DYNC1I2: variants seen among roughly 807,000 people sequenced by gnomAD.
DYNC1I2 encodes the protein dynein cytoplasmic 1 intermediate chain 2, also known as cytoplasmic dynein 1 intermediate chain 2.
In DYNC1I2, 53 loss-of-function variants were observed where a neutral mutation model predicts 88.6. The observed-to-expected ratio is 0.60, with a 90% CI of 0.48 to 0.75. The LOEUF is 0.75. Ranked by LOEUF, DYNC1I2 falls within the 30% of genes least tolerant of loss-of-function variation. DYNC1I2 has a pLI of 0.00. For synonymous variants in DYNC1I2, 198 were observed against 254.6 expected, an observed-to-expected ratio of 0.78 and a Z score of 2.12; for missense variants, 458 against 766.6, an observed-to-expected ratio of 0.60 and a Z score of 4.75.
Position 171,690,320 on chromosome 2 carries a change from CAT to C in DYNC1I2, c.108+60_108+61del. The C allele has an allele frequency of 6.3e-6, 8 of 1,269,260 alleles. 1 individual carries two copies. In the South Asian group the frequency reaches 8.5e-5, roughly 13 times the overall value. 78.6% of individuals were successfully genotyped at this position (1,269,260 alleles called of 1,614,324 possible). On this transcript the variant is annotated intron_variant, in intron 2 of 17. Coordinates refer to ENST00000397119, the MANE Select transcript of DYNC1I2 (RefSeq NM_001378.3). ...CATAAAGTAATTGGGTTTTATTTCA[CAT>C]ATTTATATATTTACATATAGGTTGG...
chr2:171,710,154 CACACACACACAG>C (rs1687010274), intron 5 of DYNC1I2, among the ~76,000 whole-genome samples: 1 of 149,330 alleles, frequency 6.7e-6, no homozygotes, highest in Admixed American at 6.6e-5. Flanking sequence ...CACACACACA[CACACACACACAG>C]AGTAATAGAA....
chr2:171,732,337 G>A lies in DYNC1I2; in HGVS notation c.1536+2484G>A, dbSNP rs115385781. ...ATTGTGCCATTGCACTACAGCCTGG[G>A]TGACGAGCAAAACTCCACCTGAAAA... On this transcript the variant is annotated intron_variant, in intron 15 of 17. Coordinates refer to ENST00000397119, the MANE Select transcript of DYNC1I2 (RefSeq NM_001378.3). 5.8e-3 allele frequency among the ~76,000 whole-genome samples: 883 copies of A among 152,304 alleles called. 8 individuals are homozygous for A. Among genetic ancestry groups the A allele is most frequent in the African/African-American group, 0.02 (835 of 41,554 alleles).
chr2:171,727,056 A>G (rs749038227), intron 11 of DYNC1I2, 140 bp downstream of exon 11: 19 of 930,784 alleles, frequency 2.0e-5, no homozygotes, highest in Non-Finnish European at 2.9e-5. Flanking sequence ...ATTTGCAAAC[A>G]GATGTTAACA....
chr2:171,691,785 A>G (rs556541846), intron 2 of DYNC1I2, among the ~76,000 whole-genome samples: 57 of 152,312 alleles, frequency 3.7e-4, no homozygotes, highest in African/African-American at 1.3e-3. Flanking sequence ...AGGGATATCT[A>G]TTGCATGATT....
intron 1 of DYNC1I2, among the ~76,000 whole-genome samples, chr2:171,689,335 T>C (rs1252290144): frequency 6.6e-6 from 1 of 152,242 alleles, no homozygotes; most frequent in African/African-American, 2.4e-5. Flanking sequence ...TAGCTAATGA[T>C]GGTAACTCCT....
At chr2:171,717,854 A>G (rs1413127508) in intron 7 of DYNC1I2, among the ~76,000 whole-genome samples, 1 of 152,110 alleles carries the variant, frequency 6.6e-6, no homozygotes, top group African/African-American at 2.4e-5. Context: ...TACCATACTT[A>G]CTGGTACAAT....
chr2:171,689,882 CTTTTTTTTTTTTTT>C (rs10716223), intron 1 of DYNC1I2, among the ~76,000 whole-genome samples: 1 of 54,156 alleles, frequency 1.8e-5, no homozygotes, highest in East Asian at 5.3e-4. Context: ...TTTTTCTTGC[CTTTTTTTTTTTTTT>C]TTTTTTTTTT....
rs1014384852 is a variant in DYNC1I2 at position 171,727,946 on chromosome 2, A to C, written c.1122A>C (p.Pro374=). The C allele has an allele frequency of 1.2e-6, 2 of 1,613,210 alleles. No homozygotes were observed. The highest frequency in any genetic ancestry group is 1.7e-6 in the Non-Finnish European group (2 of 1,179,382). The change falls in exon 12 of 18, where the codon CCA becomes CCC. Residue 374 remains proline (P), a synonymous_variant. Coordinates refer to ENST00000397119, the MANE Select transcript of DYNC1I2 (RefSeq NM_001378.3). ...AAAGAACTCCAGTGCAAAGAACTCCACTGTCAGCAGCTGCACACACAGTAA... is the reference window on the plus strand; with the variant it reads ...AAAGAACTCCAGTGCAAAGAACTCCCCTGTCAGCAGCTGCACACACAGTAA... ...SNKRTPVQRT[P]LSAAAHTHPV... is the part of the protein sequence containing the mutation.
Position 171,728,363 on chromosome 2 carries a change from T to G in DYNC1I2, c.1202T>G (p.Ile401Ser), listed in dbSNP as rs1262397910. The G allele has an allele frequency of 6.2e-7, 1 of 1,608,608 alleles. No individual in the cohort carries two copies. Among genetic ancestry groups the G allele is most frequent in the Admixed American group, 1.7e-5 (1 of 58,928 alleles). The change falls in exon 13 of 18, where the codon ATC becomes AGC. Residue 401 changes from isoleucine (I) to serine (S), a missense_variant. Transcript: ENST00000397119. ...CAAAATGCTCACAATCTGATTAGCA[T>G]CTCTACTGATGGAAAAATTTGTTCA... ...GTQNAHNLIS[I>S]STDGKICSWS...
rs998354909 is a variant in DYNC1I2, at chr2:171,749,994, T to C, written c.*2105T>C. The stretch of plus-strand genomic sequence containing the variant: ...AGAAATTGTACCTTATCAGTTATAC[T>C]TTTTTTCTGAGTAAGAAAACAAGCT... On this transcript the variant is annotated 3_prime_UTR_variant, in exon 18 of 18. Transcript: ENST00000397119. Among the ~76,000 whole-genome samples the C allele has an allele frequency of 6.6e-6, 1 of 152,172 alleles. No individual in the cohort carries two copies. The highest frequency in any genetic ancestry group is 2.4e-5 in the African/African-American group (1 of 41,448).
Position 171,727,009 on chromosome 2 carries a change from G to A in DYNC1I2, c.996+93G>A, listed in dbSNP as rs904349046. The A allele has an allele frequency of 2.2e-5, 29 of 1,328,190 alleles. No homozygotes were observed. In the African/African-American group the frequency reaches 4.2e-4, roughly 19 times the overall value. The allele number at this position is 1,328,190 out of a possible 1,614,324, so 82.3% of individuals were successfully genotyped here. A position where few individuals can be genotyped will look rare whatever the true frequency, so the allele number is the denominator to read the frequency against. On this transcript the variant is annotated intron_variant, in intron 11 of 17. Transcript: ENST00000397119. ...TTTTTTCTTTTCTTGTCAACATAATGATTTCATTGGATTGGCATTTTACTA... is the reference window on the plus strand; with the variant it reads ...TTTTTTCTTTTCTTGTCAACATAATAATTTCATTGGATTGGCATTTTACTA...
intron 17 of DYNC1I2, among the ~76,000 whole-genome samples, chr2:171,747,315 C>T (rs1689865148): frequency 6.6e-6 from 1 of 150,532 alleles, no homozygotes; most frequent in South Asian, 2.1e-4. Flanking sequence ...AGTAGCACAG[C>T]TTTTGATGAA....
intron 3 of DYNC1I2, among the ~76,000 whole-genome samples, chr2:171,704,756 A>C (rs1001569997): frequency 6.6e-6 from 1 of 152,112 alleles, no homozygotes; most frequent in Non-Finnish European, 1.5e-5. Context: ...GGTTTATTGA[A>C]GTCTGGGAAT....
rs1689906443 is a variant in DYNC1I2 at position 171,747,817 on chromosome 2, C to A, written c.1845C>A (p.Gly615=). ...VPRNDEWARF[G]RTLAEINANR... ...GCAATGATGAATGGGCACGGTTTGG[C>A]CGAACACTTGCAGAAATTAATGCAA... The change falls in exon 18 of 18, where the codon GGC becomes GGA. Residue 615 remains glycine (G), a synonymous_variant. Coordinates refer to ENST00000397119, the MANE Select transcript of DYNC1I2 (RefSeq NM_001378.3). The A allele has an allele frequency of 6.2e-7, 1 of 1,610,974 alleles. No homozygotes were observed. The highest frequency in any genetic ancestry group is 8.5e-7 in the Non-Finnish European group (1 of 1,179,324).
chr2:171,729,632 A>G lies in DYNC1I2; in HGVS notation c.1392-77A>G. On this transcript the variant is annotated intron_variant, in intron 14 of 17. Coordinates refer to ENST00000397119, the MANE Select transcript of DYNC1I2 (RefSeq NM_001378.3). Reference sequence around the variant, plus strand: ...AAAATGAAGTCAAGGCCTGATATATAAACCTATAATAAAATGTGTATGTAA... The same window carrying G: ...AAAATGAAGTCAAGGCCTGATATATGAACCTATAATAAAATGTGTATGTAA... The G allele has an allele frequency of 2.7e-6, 4 of 1,497,206 alleles. No homozygotes were observed. The South Asian group carries it at 3.6e-5, about 13-fold the overall frequency. The allele number at this position is 1,497,206 out of a possible 1,614,324, so 92.7% of individuals were successfully genotyped here.
intron 7 of DYNC1I2, among the ~76,000 whole-genome samples, chr2:171,721,585 C>G (rs1337696849): frequency 3.9e-5 from 6 of 152,124 alleles, no homozygotes; most frequent in African/African-American, 1.2e-4. Context: ...GCATTTTCCT[C>G]TAATATTTTC....
Position 171,687,513 on chromosome 2 carries a change from T to C in DYNC1I2, c.-124T>C, listed in dbSNP as rs1227998483. On this transcript the variant is annotated 5_prime_UTR_variant, in exon 1 of 18. Transcript: ENST00000397119. ...TGTAAGGCGAGGGCGGAAGTTGGATTCCTGGCCTGAGAATATTAGGCGTAG... is the reference window on the plus strand; with the variant it reads ...TGTAAGGCGAGGGCGGAAGTTGGATCCCTGGCCTGAGAATATTAGGCGTAG... 1 of 152,166 alleles carries C rather than the reference T, an allele frequency of 6.6e-6. No homozygotes were observed. The highest frequency in any genetic ancestry group is 2.4e-5 in the African/African-American group (1 of 41,426). The allele number at this position is 152,166 out of a possible 1,614,324, so 9.4% of individuals were successfully genotyped here.
chr2:171,728,862 C>T lies in DYNC1I2; in HGVS notation c.1391+12C>T. On this transcript the variant is annotated intron_variant, in intron 14 of 17. Transcript: ENST00000397119. ...TGCCGCCATGGCAGGTAAACCTAAA[C>T]TGGAATTTGCAATAATTTAAAATTC... 1 of 1,596,616 alleles carries T rather than the reference C, an allele frequency of 6.3e-7. No homozygotes were observed. The highest frequency in any genetic ancestry group is 8.5e-7 in the Non-Finnish European group (1 of 1,173,686).
At chr2:171,693,566 C>T (rs1012511580) in intron 3 of DYNC1I2, among the ~76,000 whole-genome samples, 3 of 152,124 alleles carry the variant, frequency 2.0e-5, no homozygotes, top group African/African-American at 7.2e-5. Flanking sequence ...TTAACATGGC[C>T]TTTATCCTTT....
Sources: gnomAD v4.1 joint callset for allele counts (sites outside exome capture counted in the v4.1 genomes callset) on GRCh38, gnomAD v4.1.1 for gene constraint, MANE v1.5 for transcripts, NCBI Gene and HGNC (gene_info 2026-07-23, HGNC 2026-07-21) for gene names.